The following SLC11A2 variants were observed in gnomAD, a reference collection of about 807,000 sequenced individuals.
The protein encoded by SLC11A2 is natural resistance-associated macrophage protein 2.
In SLC11A2, 38 loss-of-function variants were observed where a neutral mutation model predicts 68.0. That is an observed-to-expected ratio of 0.56 (90% confidence interval 0.43 to 0.73). The LOEUF (loss-of-function observed/expected upper bound fraction) is 0.73. SLC11A2 is among the 30% of genes least tolerant of loss of function. SLC11A2 has a pLI of 0.00. For missense variants in SLC11A2, 517 were observed against 690.5 expected (o/e 0.75, Z 2.82); for synonymous variants, 242 against 250.6 (o/e 0.97, Z 0.32).
intron 1 of SLC11A2, among the ~76,000 whole-genome samples, chr12:51,013,637 G>A (rs1279313285): frequency 2.6e-5 from 4 of 151,826 alleles, no homozygotes; most frequent in Non-Finnish European, 5.9e-5. Flanking sequence ...CTACTTGGGA[G>A]ACTGAACTAG....
downstream of SLC11A2, chr12:50,979,767 C>T (rs779810921): frequency 1.2e-4 from 53 of 436,398 alleles, 1 homozygote; most frequent in South Asian, 7.8e-4. Flanking sequence ...CGATTATAAA[C>T]GAACATAGGC....
rs1181616559 is a variant in SLC11A2 at position 50,987,463 on chromosome 12, A to G, written c.*862T>C. 1.6e-6 allele frequency: 2 copies of G among 1,287,188 alleles called. No homozygotes were observed. Among genetic ancestry groups the G allele is most frequent in the Non-Finnish European group, 1.0e-6 (1 of 988,694 alleles). The allele number at this position is 1,287,188 out of a possible 1,614,324, so 79.7% of individuals were successfully genotyped here. A position where few individuals can be genotyped will look rare whatever the true frequency, so the allele number is the denominator to read the frequency against. On this transcript the variant is annotated 3_prime_UTR_variant, in exon 16 of 16. Coordinates refer to ENST00000262052, the MANE Select transcript of SLC11A2 (RefSeq NM_000617.3). ...CCCACCCTCAACATTTCACGAGAAC[A>G]TCAGTTCATAAATACTACCATCTGT...
chr12:50,959,137 G>A, the SLC11A2 span, among the ~76,000 whole-genome samples: 1 of 151,584 alleles, frequency 6.6e-6, no homozygotes. Context: ...TTTTTTTCCT[G>A]AGACGGAGTT....
chr12:51,004,071 A>G (rs911425552), intron 5 of SLC11A2, among the ~76,000 whole-genome samples: 6 of 152,258 alleles, frequency 3.9e-5, no homozygotes, highest in African/African-American at 1.4e-4. Context: ...ATTTTGATAT[A>G]GGCATAAAAT....
chr12:51,024,640 A>C (rs1359590961), intron 1 of SLC11A2: 1 of 152,406 alleles, frequency 6.6e-6, no homozygotes, highest in Non-Finnish European at 1.5e-5. Context: ...AACAAGAGCG[A>C]AACTCCGTAT....
rs757182678 is a variant in SLC11A2, at chr12:50,987,476, T to TACTACCA, written c.*842_*848dup. On this transcript the variant is annotated 3_prime_UTR_variant, in exon 16 of 16. Transcript: ENST00000262052. ...TTTCACGAGAACATCAGTTCATAAATACTACCATCTGTTTCTATCACCACC... is the reference window on the plus strand; with the variant it reads ...TTTCACGAGAACATCAGTTCATAAATACTACCAACTACCATCTGTTTCTATCACCACC... 1 of 1,287,188 alleles carries TACTACCA rather than the reference T, an allele frequency of 7.8e-7. No individual in the cohort carries two copies. 79.7% of individuals were successfully genotyped at this position (1,287,188 alleles called of 1,614,324 possible).
At chr12:50,982,506 A>G (rs1041379814), downstream of SLC11A2, among the ~76,000 whole-genome samples, 3 of 152,222 alleles carry the variant, frequency 2.0e-5, no homozygotes, top group African/African-American at 7.2e-5. Context: ...ACACACCTGT[A>G]ATCCCAGCTA....
At position 51,015,312 on chromosome 12, in the gene SLC11A2, C is replaced by T. The variant is rs529423683; in HGVS notation, c.-38-4546G>A. Among the ~76,000 whole-genome samples the T allele has an allele frequency of 1.4e-4, 21 of 151,680 alleles. 1 individual carries two copies. The South Asian group carries it at 4.4e-3, about 32-fold the overall frequency. On this transcript the variant is annotated intron_variant, in intron 1 of 15. Coordinates refer to ENST00000262052, the MANE Select transcript of SLC11A2 (RefSeq NM_000617.3). ...CCAACATGGAGAAACCCTGCCTCTA[C>T]TAAAAATACAAAATTAGCCAGGCAT... is the stretch of plus-strand genomic sequence containing the variant.
chr12:50,964,301 T>G, the SLC11A2 span, among the ~76,000 whole-genome samples: 1 of 152,234 alleles, frequency 6.6e-6, no homozygotes, highest in Non-Finnish European at 1.5e-5. Flanking sequence ...CCCCTTTGCT[T>G]TCAGCAAGTA....
At chr12:50,993,194 A>C (rs1292630836) in intron 11 of SLC11A2, 1 of 3,804 alleles carries the variant, frequency 2.6e-4, no homozygotes, top group Admixed American at 0.011. Flanking sequence ...TAAATATTAA[A>C]AAAAAAAAAA....
intron 7 of SLC11A2, 24 bp downstream of exon 7, chr12:50,999,321 C>A: frequency 1.2e-6 from 2 of 1,610,450 alleles, no homozygotes; most frequent in Middle Eastern, 1.7e-4. Context: ...GCTCCTTTGA[C>A]CCTCCCATTC....
the SLC11A2 span, among the ~76,000 whole-genome samples, chr12:50,956,249 G>C: frequency 6.6e-6 from 1 of 152,102 alleles, no homozygotes; most frequent in Non-Finnish European, 1.5e-5. Context: ...AAAATTAGCT[G>C]GGTGTGGTGG....
chr12:50,961,092 T>C, the SLC11A2 span: 6 of 1,613,808 alleles, frequency 3.7e-6, no homozygotes, highest in Admixed American at 1.0e-4. Context: ...TTGTTGGAGC[T>C]GTGACTCTAG....
At position 50,997,039 on chromosome 12, in the gene SLC11A2, G is replaced by C. The variant is rs796319049; in HGVS notation, c.676-67C>G. On this transcript the variant is annotated intron_variant, in intron 8 of 15. Coordinates refer to ENST00000262052, the MANE Select transcript of SLC11A2 (RefSeq NM_000617.3). ...GAAACGGGAGTAACATAGTACCAGG[G>C]AACAGTTAGCATCCTTTATCCCTTA... 57 of 1,261,620 alleles carry C rather than the reference G, an allele frequency of 4.5e-5. No homozygotes were observed. The African/African-American group carries it at 6.3e-4, about 14-fold the overall frequency. 78.2% of individuals were successfully genotyped at this position (1,261,620 alleles called of 1,614,324 possible).
At chr12:51,022,504 G>GT (rs1944117838) in intron 1 of SLC11A2, among the ~76,000 whole-genome samples, 1 of 145,670 alleles carries the variant, frequency 6.9e-6, no homozygotes, top group African/African-American at 2.5e-5. Flanking sequence ...CAGAAAATAT[G>GT]TTTTGTCCTC....
the SLC11A2 span, among the ~76,000 whole-genome samples, chr12:50,954,889 T>C: frequency 6.6e-6 from 1 of 152,172 alleles, no homozygotes; most frequent in Non-Finnish European, 1.5e-5. Context: ...CTTGTGAGCA[T>C]GAACTTTGGA....
chr12:51,016,161 G>C (rs929080077), intron 1 of SLC11A2, among the ~76,000 whole-genome samples: 1 of 152,190 alleles, frequency 6.6e-6, no homozygotes, highest in African/African-American at 2.4e-5. Context: ...AACACTTCGG[G>C]AGGCCAAGGC....
chr12:50,956,549 T>C, the SLC11A2 span, among the ~76,000 whole-genome samples: 1 of 152,224 alleles, frequency 6.6e-6, no homozygotes, highest in Non-Finnish European at 1.5e-5. Flanking sequence ...TCCATCATTA[T>C]AAATATATTT....
At chr12:50,963,369 CAAAAAAAAAA>C in the SLC11A2 span, among the ~76,000 whole-genome samples, 2 of 72,400 alleles carry the variant, frequency 2.8e-5, no homozygotes, top group Non-Finnish European at 2.7e-5. Flanking sequence ...GACTCCATCT[CAAAAAAAAAA>C]AAAAAAAAAA....
Sources: allele counts gnomAD v4.1 joint callset (sites outside exome capture counted in the v4.1 genomes callset), GRCh38; gene constraint gnomAD v4.1.1; transcripts MANE v1.5; gene names NCBI Gene and HGNC (gene_info 2026-07-23, HGNC 2026-07-21).